The following NOL4 variants were observed in gnomAD, a reference collection of about 807,000 sequenced individuals.
The protein encoded by NOL4 is cancer/testis antigen 125.
NOL4 carries 17 observed loss-of-function variants against 75.9 expected under a neutral mutation model. The observed-to-expected ratio is 0.22, with a 90% CI of 0.15 to 0.34. The LOEUF is 0.34. Among genes scored for constraint, NOL4 ranks in the 10% least tolerant of loss-of-function variants. NOL4 has a pLI of 1.00. For missense variants in NOL4, 614 were observed against 793.5 expected (o/e 0.77, Z 2.72); for synonymous variants, 292 against 289.9 (o/e 1.01, Z -0.07).
chr18:34,212,634 C>T lies in NOL4; in HGVS notation c.264+10356G>A, dbSNP rs114226700. Among the ~76,000 whole-genome samples the T allele has an allele frequency of 1.7e-3, 263 of 152,270 alleles. 1 individual carries two copies. Among genetic ancestry groups the T allele is most frequent in the African/African-American group, 6.0e-3 (249 of 41,548 alleles). ...ATAAAGCTGAAATCAAGGTGTCAGC[C>T]AACTGCATTCTCATTTGGAAACTCC... is the stretch of plus-strand genomic sequence containing the variant. On this transcript the variant is annotated intron_variant, in intron 1 of 10. Transcript: ENST00000261592.
At chr18:33,854,163 C>T (rs1193813503) in intron 10 of NOL4, among the ~76,000 whole-genome samples, 1 of 152,074 alleles carries the variant, frequency 6.6e-6, no homozygotes, top group African/African-American at 2.4e-5. Flanking sequence ...TAATGGTATT[C>T]GTTTCATGAA....
intron 9 of NOL4, among the ~76,000 whole-genome samples, chr18:33,920,487 A>G (rs1185776766): frequency 6.6e-6 from 1 of 152,226 alleles, no homozygotes; most frequent in African/African-American, 2.4e-5. Context: ...TTCTTCAAAA[A>G]GTGCAATGTA....
At chr18:33,880,305 CTGTGTGTGTGTG>C (rs61306180) in intron 10 of NOL4, among the ~76,000 whole-genome samples, 10 of 144,392 alleles carry the variant, frequency 6.9e-5, no homozygotes, top group Admixed American at 1.4e-4. Context: ...CAAAAGGGGT[CTGTGTGTGTGTG>C]TGTGTGTGTG....
At chr18:34,202,935 C>T (rs2035837728) in intron 1 of NOL4, among the ~76,000 whole-genome samples, 1 of 151,946 alleles carries the variant, frequency 6.6e-6, no homozygotes. Flanking sequence ...CACTCTTGGG[C>T]ATTTAATTGA....
chr18:34,172,522 C>A (rs1304497078), intron 1 of NOL4, among the ~76,000 whole-genome samples: 1 of 152,070 alleles, frequency 6.6e-6, no homozygotes, highest in Non-Finnish European at 1.5e-5. Context: ...ATACTGATTT[C>A]ATTCTTTTGA....
chr18:33,917,315 T>C (rs1350322134), intron 9 of NOL4, among the ~76,000 whole-genome samples: 1 of 151,992 alleles, frequency 6.6e-6, no homozygotes, highest in Non-Finnish European at 1.5e-5. Context: ...ACCCCCTCCT[T>C]TTATCCTGCT....
chr18:34,128,781 T>C (rs2080499113), intron 2 of NOL4: 1 of 570,116 alleles, frequency 1.8e-6, no homozygotes, highest in Non-Finnish European at 2.2e-6. Context: ...CCTGGAAATA[T>C]AGCAAAAAAT....
At chr18:33,863,372 G>A (rs912438545) in intron 10 of NOL4, among the ~76,000 whole-genome samples, 2 of 152,118 alleles carry the variant, frequency 1.3e-5, no homozygotes, top group African/African-American at 4.8e-5. Context: ...GTATACATAT[G>A]TAACTAACCT....
At chr18:34,180,374 G>A (rs981310963) in intron 1 of NOL4, among the ~76,000 whole-genome samples, 6 of 151,430 alleles carry the variant, frequency 4.0e-5, no homozygotes, top group African/African-American at 1.5e-4. Context: ...ATAAAATAAA[G>A]TAAAAACACA....
intron 6 of NOL4, among the ~76,000 whole-genome samples, chr18:33,958,725 C>G (rs955537604): frequency 1.3e-5 from 2 of 152,024 alleles, no homozygotes; most frequent in African/African-American, 4.8e-5. Context: ...TACTCATATT[C>G]CAAATAAAAA....
chr18:34,033,450 A>C lies in NOL4; in HGVS notation c.773-13849T>G, dbSNP rs1357469344. Among the ~76,000 whole-genome samples the C allele has an allele frequency of 2.0e-5, 3 of 152,140 alleles. No individual in the cohort carries two copies. In the East Asian group the frequency reaches 5.8e-4, roughly 30 times the overall value. On this transcript the variant is annotated intron_variant, in intron 5 of 10. Transcript: ENST00000261592. Reference sequence around the variant, plus strand: ...AGCAATAAACTAGATCAAGCAGAAGAAAAAAATCTCAGAACTTGAAGACAG... The same window carrying C: ...AGCAATAAACTAGATCAAGCAGAAGCAAAAAATCTCAGAACTTGAAGACAG...
chr18:34,093,595 A>C lies in NOL4; in HGVS notation c.642T>G (p.Asp214Glu). 6.3e-7 allele frequency: 1 copy of C among 1,576,440 alleles called. No homozygotes were observed. Among genetic ancestry groups the C allele is most frequent in the Non-Finnish European group, 8.6e-7 (1 of 1,157,568 alleles). The change falls in exon 5 of 11, where the codon GAT (aspartate) becomes GAG (glutamate). Residue 214 changes from aspartate (D) to glutamate (E), a missense_variant and splice_region_variant. This residue lies in a region of NOL4 where 135 missense variants were observed against 220.4 expected (regional missense o/e 0.61). Coordinates refer to ENST00000261592, the MANE Select transcript of NOL4 (RefSeq NM_003787.5). Reference protein sequence around the residue: ...LQLLNSQQDEDESSIESDEFD... With the variant: ...LQLLNSQQDEEESSIESDEFD... ...ATTCATCACTTTCTATTGAACTTTCATCCTGAAAATAGTTTTAAAATATCA... is the reference window on the plus strand; with the variant it reads ...ATTCATCACTTTCTATTGAACTTTCCTCCTGAAAATAGTTTTAAAATATCA...
At chr18:33,983,753 C>T (rs1573351) in intron 6 of NOL4, among the ~76,000 whole-genome samples, 95,881 of 151,728 alleles carry the variant, frequency 0.63, 30,783 homozygotes, top group African/African-American at 0.73. Context: ...CTTTTTCACT[C>T]TTCCCTCACT....
intron 6 of NOL4, among the ~76,000 whole-genome samples, chr18:34,013,145 A>C (rs1180326521): frequency 6.6e-6 from 1 of 152,000 alleles, no homozygotes; most frequent in Non-Finnish European, 1.5e-5. Context: ...CACAATATTC[A>C]TCATTACTAC....
chr18:34,104,716 A>C (rs1181250212), intron 3 of NOL4, among the ~76,000 whole-genome samples: 3 of 152,062 alleles, frequency 2.0e-5, no homozygotes, highest in Non-Finnish European at 2.9e-5. Flanking sequence ...TTTAGAAATA[A>C]GGAATTGGTA....
At chr18:33,876,150 C>T (rs1257737507) in intron 10 of NOL4, among the ~76,000 whole-genome samples, 2 of 151,998 alleles carry the variant, frequency 1.3e-5, no homozygotes, top group Non-Finnish European at 2.9e-5. Flanking sequence ...AAATCAAATT[C>T]AAATGCTGCT....
At chr18:34,141,914 A>T (rs962975926) in intron 1 of NOL4, among the ~76,000 whole-genome samples, 8 of 152,064 alleles carry the variant, frequency 5.3e-5, no homozygotes, top group African/African-American at 1.2e-4. Context: ...GAATGGGAAA[A>T]TTTTTTGCAA....
intron 6 of NOL4, among the ~76,000 whole-genome samples, chr18:33,965,298 G>C (rs1160538316): frequency 6.6e-6 from 1 of 152,000 alleles, no homozygotes; most frequent in East Asian, 1.9e-4. Context: ...AACATAGTGA[G>C]ACCTCCATCC....
At chr18:33,977,508 G>A (rs528476182) in intron 6 of NOL4, among the ~76,000 whole-genome samples, 14 of 152,100 alleles carry the variant, frequency 9.2e-5, no homozygotes, top group African/African-American at 2.7e-4. Context: ...CACCATGATT[G>A]TGAGGCCTTC....
Sources: allele counts gnomAD v4.1 joint callset (sites outside exome capture counted in the v4.1 genomes callset), GRCh38; gene constraint gnomAD v4.1.1; regional missense constraint gnomAD v4.1.1; transcripts MANE v1.5; gene names NCBI Gene and HGNC (gene_info 2026-07-23, HGNC 2026-07-21).